SNX18: variants seen among roughly 807,000 people sequenced by gnomAD.
The protein encoded by SNX18 is sorting nexin-18.
SNX18 carries 35 observed loss-of-function variants against 48.7 expected under a neutral mutation model. That is an observed-to-expected ratio of 0.72 (90% CI 0.55 to 0.95). SNX18 has a LOEUF of 0.95. SNX18 is among the 40% of genes least tolerant of loss of function. SNX18 has a pLI of 0.00. For synonymous variants in SNX18, 492 were observed against 384.7 expected (o/e 1.28, Z -3.26); for missense variants, 824 against 871.0 (o/e 0.95, Z 0.68).
At chr5:54,645,770 G>T in the SNX18 span, 1 of 152,222 alleles carries the variant, frequency 6.6e-6, no homozygotes, top group Admixed American at 6.5e-5. Context: ...AAACCCATAT[G>T]AGTGTTTAGA....
the SNX18 span, among the ~76,000 whole-genome samples, chr5:54,639,297 AT>A: frequency 1.9e-4 from 29 of 151,808 alleles, no homozygotes; most frequent in African/African-American, 2.9e-4. Flanking sequence ...TTAAAAAAAA[AT>A]TTTTCAGAAA....
the SNX18 span, among the ~76,000 whole-genome samples, chr5:54,615,730 A>G: frequency 6.6e-6 from 1 of 152,086 alleles, no homozygotes; most frequent in African/African-American, 2.4e-5. Flanking sequence ...GTAGCTCTGG[A>G]GGAAAAAAAT....
At chr5:54,606,090 A>C in the SNX18 span, among the ~76,000 whole-genome samples, 1 of 152,252 alleles carries the variant, frequency 6.6e-6, no homozygotes, top group Non-Finnish European at 1.5e-5. Flanking sequence ...ATTGCAATAA[A>C]TAAAGATGTA....
At chr5:54,582,110 T>C in the SNX18 span, among the ~76,000 whole-genome samples, 1 of 152,170 alleles carries the variant, frequency 6.6e-6, no homozygotes, top group South Asian at 2.1e-4. Context: ...AAACGAGAAG[T>C]GGAGAACTTT....
the SNX18 span, among the ~76,000 whole-genome samples, chr5:54,613,305 C>T: frequency 2.0e-5 from 3 of 151,400 alleles, no homozygotes; most frequent in African/African-American, 4.9e-5. Flanking sequence ...AAGATTGGGA[C>T]GTTCAAGGTT....
At chr5:54,631,144 A>T in the SNX18 span, among the ~76,000 whole-genome samples, 1 of 152,238 alleles carries the variant, frequency 6.6e-6, no homozygotes, top group African/African-American at 2.4e-5. Flanking sequence ...CATTTATATC[A>T]TCCTGCCATC....
At chr5:54,647,965 T>C in the SNX18 span, among the ~76,000 whole-genome samples, 2 of 151,286 alleles carry the variant, frequency 1.3e-5, no homozygotes, top group Non-Finnish European at 2.9e-5. Context: ...AATGCTGGTG[T>C]GTGCGGAATT....
At chr5:54,628,063 T>A in the SNX18 span, among the ~76,000 whole-genome samples, 2 of 152,166 alleles carry the variant, frequency 1.3e-5, no homozygotes, top group African/African-American at 2.4e-5. Flanking sequence ...TAATAGGACC[T>A]GACACACACC....
At chr5:54,564,837 A>G in the SNX18 span, among the ~76,000 whole-genome samples, 1 of 152,222 alleles carries the variant, frequency 6.6e-6, no homozygotes, top group East Asian at 1.9e-4. Flanking sequence ...CAGCCTAGGC[A>G]ACAGAGAGAC....
the SNX18 span, among the ~76,000 whole-genome samples, chr5:54,591,934 AC>A: frequency 1.3e-5 from 2 of 152,262 alleles, no homozygotes; most frequent in African/African-American, 4.8e-5. Context: ...TTTGTTGCTA[AC>A]AAATATCTTG....
chr5:54,540,255 A>G (rs1239359778), intron 1 of SNX18, among the ~76,000 whole-genome samples: 1 of 150,930 alleles, frequency 6.6e-6, no homozygotes, highest in African/African-American at 2.4e-5. Context: ...TCTGTCACCT[A>G]GCAGGCTGGA....
the SNX18 span, among the ~76,000 whole-genome samples, chr5:54,582,128 A>G: frequency 2.0e-5 from 3 of 152,202 alleles, no homozygotes; most frequent in African/African-American, 7.2e-5. Flanking sequence ...TTTGGAGAAA[A>G]ACTAACTTCA....
the SNX18 span, among the ~76,000 whole-genome samples, chr5:54,634,833 C>T: frequency 2.6e-5 from 4 of 151,922 alleles, no homozygotes; most frequent in African/African-American, 9.7e-5. Flanking sequence ...AAAAATTGAG[C>T]GTCTTATTCA....
At chr5:54,632,260 A>G in the SNX18 span, among the ~76,000 whole-genome samples, 1 of 152,208 alleles carries the variant, frequency 6.6e-6, no homozygotes, top group African/African-American at 2.4e-5. Context: ...AGATGTGCAG[A>G]CGCCAGGGGA....
the SNX18 span, among the ~76,000 whole-genome samples, chr5:54,612,996 T>C: frequency 1.3e-5 from 2 of 152,248 alleles, no homozygotes; most frequent in Non-Finnish European, 2.9e-5. Flanking sequence ...TCATCTTGTG[T>C]GTTAAACATT....
chr5:54,533,137 G>C (rs1439962414), intron 1 of SNX18, among the ~76,000 whole-genome samples: 1 of 152,032 alleles, frequency 6.6e-6, no homozygotes, highest in African/African-American at 2.4e-5. Context: ...GACTATGCTT[G>C]TCTTGATCCT....
At chr5:54,558,218 A>T in the SNX18 span, among the ~76,000 whole-genome samples, 5 of 152,212 alleles carry the variant, frequency 3.3e-5, no homozygotes, top group Non-Finnish European at 1.5e-5. Context: ...ACATCACCCT[A>T]AATATTTTTT....
At chr5:54,601,167 C>T in the SNX18 span, among the ~76,000 whole-genome samples, 5 of 152,066 alleles carry the variant, frequency 3.3e-5, no homozygotes, top group African/African-American at 1.2e-4. Flanking sequence ...ACTCTGTATC[C>T]AATAATGGCT....
the SNX18 span, among the ~76,000 whole-genome samples, chr5:54,558,208 A>T: frequency 6.6e-6 from 1 of 152,202 alleles, no homozygotes; most frequent in Non-Finnish European, 1.5e-5. Flanking sequence ...TTCACTGTAA[A>T]CATCACCCTA....
Sources: allele counts gnomAD v4.1 joint callset (sites outside exome capture counted in the v4.1 genomes callset), GRCh38; gene constraint gnomAD v4.1.1; transcripts MANE v1.5; gene names NCBI Gene and HGNC (gene_info 2026-07-23, HGNC 2026-07-21).